Variants in CLCN2 observed in about 807,000 individuals in gnomAD.
The protein encoded by CLCN2 is chloride channel protein 2.
A neutral mutation model predicts 108.3 loss-of-function variants in CLCN2; 72 were observed. The observed-to-expected ratio is 0.66, with a 90% CI of 0.55 to 0.81. CLCN2 has a LOEUF of 0.81. CLCN2 is among the 30% of genes least tolerant of loss of function. CLCN2 has a pLI of 0.00. For synonymous variants in CLCN2, 471 were observed against 467.1 expected, an observed-to-expected ratio of 1.01 and a Z score of -0.11; for missense variants, 1,048 against 1,205.2, an observed-to-expected ratio of 0.87 and a Z score of 1.93.
In CLCN2 at chr3:184,358,965, C is replaced by T; in HGVS notation, c.220+10G>A. 6.2e-7 allele frequency: 1 copy of T among 1,613,552 alleles called. No homozygotes were observed. Among genetic ancestry groups the T allele is most frequent in the South Asian group, 1.1e-5 (1 of 91,090 alleles). Reference sequence around the variant, plus strand: ...ACAGCCAGGTCCCCTGCCCCCACCCCAGTTCTCACCGCGGCATCGGGCGCA... The same window carrying T: ...ACAGCCAGGTCCCCTGCCCCCACCCTAGTTCTCACCGCGGCATCGGGCGCA... On this transcript the variant is annotated intron_variant, in intron 2 of 23. Coordinates refer to ENST00000265593, the MANE Select transcript of CLCN2 (RefSeq NM_004366.6).
chr3:184,359,099 G>A lies in CLCN2; in HGVS notation c.96C>T (p.Ala32=), dbSNP rs1711651191. 1.2e-6 allele frequency: 2 copies of A among 1,613,664 alleles called. No individual in the cohort carries two copies. The highest frequency in any genetic ancestry group is 1.7e-5 in the Admixed American group (1 of 60,012). The change falls in exon 2 of 24, where the codon GCC becomes GCT. Residue 32 remains alanine (A), a synonymous_variant. Coordinates refer to ENST00000265593, the MANE Select transcript of CLCN2 (RefSeq NM_004366.6). ...TCCGAGCAGCTTCCTCTTTGGCAAA[G>A]GCCCCAAGGTCCTGAGTGTACCGGC... ...MYGRYTQDLG[A]FAKEEAARIR...
chr3:184,357,907 G>T (rs1711521310), intron 5 of CLCN2, 51 bp from the exon 6 acceptor site: 1 of 1,613,460 alleles, frequency 6.2e-7, no homozygotes, highest in South Asian at 1.1e-5. Flanking sequence ...CCTGACCTTG[G>T]CCTGGCCTCC....
At position 184,355,269 on chromosome 3, in the gene CLCN2, T is replaced by C; in HGVS notation, c.1326+105A>G. ...TTCAAACGGGGGTGATAATAGTGCC[T>C]TTCCCATGGCACTGTGGAGAGGCTT... On this transcript the variant is annotated intron_variant, in intron 12 of 23. Coordinates refer to ENST00000265593, the MANE Select transcript of CLCN2 (RefSeq NM_004366.6). The surrounding 1 kb of genome is among the most constrained non-coding windows in gnomAD (Gnocchi z 6.3). The C allele has an allele frequency of 7.7e-7, 1 of 1,303,056 alleles. No homozygotes were observed. Among genetic ancestry groups the C allele is most frequent in the Non-Finnish European group, 1.1e-6 (1 of 900,412 alleles). The allele number at this position is 1,303,056 out of a possible 1,614,324, so 80.7% of individuals were successfully genotyped here. A position where few individuals can be genotyped will look rare whatever the true frequency, so the allele number is the denominator to read the frequency against.
At chr3:184,359,554 C>G (rs1036583966) in intron 1 of CLCN2, among the ~76,000 whole-genome samples, 1 of 152,204 alleles carries the variant, frequency 6.6e-6, no homozygotes, top group Non-Finnish European at 1.5e-5. Context: ...GAGCTCGGGG[C>G]AGCTGAGTTG....
chr3:184,352,401 T>A, intron 20 of CLCN2, 42 bp downstream of exon 20: 1 of 1,613,108 alleles, frequency 6.2e-7, no homozygotes, highest in Non-Finnish European at 8.5e-7. Context: ...CTGCCCTCCC[T>A]GCCCGGTGCC....
chr3:184,360,932 G>C (rs1711993145), intron 1 of CLCN2, among the ~76,000 whole-genome samples: 1 of 152,246 alleles, frequency 6.6e-6, no homozygotes, highest in Non-Finnish European at 1.5e-5. Context: ...AGCCAACGCT[G>C]GGTGTGGAGC....
chr3:184,353,211 C>G lies in CLCN2; in HGVS notation c.2028+39G>C, dbSNP rs982217355. 2.5e-6 allele frequency: 4 copies of G among 1,613,396 alleles called. No individual in the cohort carries two copies. In the African/African-American group the frequency reaches 5.3e-5, roughly 22 times the overall value. On this transcript the variant is annotated intron_variant, in intron 17 of 23. Transcript: ENST00000265593. Reference sequence around the variant, plus strand: ...AGACCACCCTCCCAATCAGTCTACACAATGACATTTAGGAAGCGTTTGTGG... The same window carrying G: ...AGACCACCCTCCCAATCAGTCTACAGAATGACATTTAGGAAGCGTTTGTGG...
At chr3:184,347,478 G>A (rs111619654) in intron 22 of CLCN2, 10 of 303,064 alleles carry the variant, frequency 3.3e-5, no homozygotes, top group Non-Finnish European at 5.1e-5. Context: ...AGGAGTGGCT[G>A]TGCAGCCCCA....
At position 184,346,580 on chromosome 3, in the gene CLCN2, A is replaced by G; in HGVS notation, c.*26T>C. 6.2e-7 allele frequency: 1 copy of G among 1,612,178 alleles called. No homozygotes were observed. Reference sequence around the variant, plus strand: ...TTCTGGGCTGACGGGCATGGCTAGCACCATCCTAGGCCACCCACGAGGGGC... The same window carrying G: ...TTCTGGGCTGACGGGCATGGCTAGCGCCATCCTAGGCCACCCACGAGGGGC... On this transcript the variant is annotated 3_prime_UTR_variant, in exon 24 of 24. Coordinates refer to ENST00000265593, the MANE Select transcript of CLCN2 (RefSeq NM_004366.6). The surrounding 1 kb of genome is among the most constrained non-coding windows in gnomAD (Gnocchi z 6.0).
At chr3:184,351,264 G>A (rs1728070273) in intron 22 of CLCN2, among the ~76,000 whole-genome samples, 2 of 151,986 alleles carry the variant, frequency 1.3e-5, no homozygotes, top group South Asian at 4.1e-4. Context: ...CATTATGCCT[G>A]TCAAAAGTTT....
intron 15 of CLCN2, 104 bp downstream of exon 15, chr3:184,353,996 TC>T: frequency 7.2e-7 from 1 of 1,387,930 alleles, no homozygotes; most frequent in South Asian, 1.2e-5. Context: ...GTGGCTCATC[TC>T]CCAGCTTCGT....
At chr3:184,351,469 T>C (rs1728089003) in intron 22 of CLCN2, among the ~76,000 whole-genome samples, 1 of 152,192 alleles carries the variant, frequency 6.6e-6, no homozygotes. Flanking sequence ...TCTTCCCGCG[T>C]CCGTACCAGT....
At chr3:184,347,347 T>G in intron 22 of CLCN2, 1 of 417,608 alleles carries the variant, frequency 2.4e-6, no homozygotes. Flanking sequence ...ATCTAGTGAT[T>G]GGCCAGGCTC....
intron 22 of CLCN2, among the ~76,000 whole-genome samples, 175 bp downstream of exon 22, chr3:184,351,838 G>T (rs1728120141): frequency 6.6e-6 from 1 of 152,142 alleles, no homozygotes; most frequent in African/African-American, 2.4e-5. Context: ...GCAGGAGGAG[G>T]CTGCTCCCAC....
chr3:184,356,537 G>T (rs904344219), intron 10 of CLCN2: 1 of 174,584 alleles, frequency 5.7e-6, no homozygotes, highest in African/African-American at 2.4e-5. Context: ...TACTTGGGAG[G>T]CTGAGGCAGG....
chr3:184,354,775 C>T, intron 13 of CLCN2, 117 bp from the exon 14 acceptor site: 1 of 1,311,486 alleles, frequency 7.6e-7, no homozygotes, highest in Non-Finnish European at 1.1e-6. Flanking sequence ...GTGTAGGGCA[C>T]AGCCCTGTGG....
intron 15 of CLCN2, 34 bp from the exon 16 acceptor site, chr3:184,353,829 A>C: frequency 2.5e-6 from 4 of 1,596,684 alleles, no homozygotes; most frequent in Non-Finnish European, 3.4e-6. Context: ...GTTTGTGGTC[A>C]GCATGGGGAG....
chr3:184,357,957 G>A lies in CLCN2; in HGVS notation c.615+5C>T. The A allele has an allele frequency of 1.9e-6, 3 of 1,613,984 alleles. No individual in the cohort carries two copies. The highest frequency in any genetic ancestry group is 1.3e-5 in the African/African-American group (1 of 75,064). On this transcript the variant is annotated splice_donor_5th_base_variant and intron_variant, in intron 5 of 23. Coordinates refer to ENST00000265593, the MANE Select transcript of CLCN2 (RefSeq NM_004366.6). ...GGACTCCTTCATTCCCCAGCCTGCAGTTACCTCTTTGCCAAGCGGCATCCC... is the reference window on the plus strand; with the variant it reads ...GGACTCCTTCATTCCCCAGCCTGCAATTACCTCTTTGCCAAGCGGCATCCC...
rs147524318 is a variant in CLCN2 at position 184,346,950 on chromosome 3, G to A, written c.2487C>T (p.Ile829=). The A allele has an allele frequency of 3.7e-4, 592 of 1,613,986 alleles. No individual in the cohort carries two copies. Among genetic ancestry groups the A allele is most frequent in the Non-Finnish European group, 4.7e-4 (560 of 1,179,866 alleles). ...ATCACCTCACCTCCTTTAGAGTAAC[G>A]ATTCCAATGAGTCTGCCAATACTGG... is the stretch of plus-strand genomic sequence containing the variant. The part of the protein sequence containing the change: ...YVTSIGRLIG[I]VTLKELRKAI... The change falls in exon 23 of 24, where the codon ATC becomes ATT. Residue 829 remains isoleucine, a synonymous_variant. Coordinates refer to ENST00000265593, the MANE Select transcript of CLCN2 (RefSeq NM_004366.6). The surrounding 1 kb of genome is among the most constrained non-coding windows in gnomAD (Gnocchi z 6.0).
Sources: allele counts gnomAD v4.1 joint callset (sites outside exome capture counted in the v4.1 genomes callset), GRCh38; gene constraint gnomAD v4.1.1; non-coding constraint Gnocchi (gnomAD v3.1); transcripts MANE v1.5; gene names NCBI Gene and HGNC (gene_info 2026-07-23, HGNC 2026-07-21).